Variants in GCN1 observed in about 807,000 individuals in gnomAD.
GCN1 encodes the protein stalled ribosome sensor GCN1.
A neutral mutation model predicts 288.4 loss-of-function variants in GCN1; 90 were observed. The ratio of observed to expected loss-of-function variants is 0.31; its 90% CI spans 0.26 to 0.37. The LOEUF (loss-of-function observed/expected upper bound fraction) is 0.37, where lower values mean the gene tolerates loss of function less well. GCN1 is among the 10% of genes least tolerant of loss of function. The pLI, the probability that GCN1 is intolerant of heterozygous loss-of-function variation, is 1.00. For synonymous variants in GCN1, 1,386 were observed against 1,420.2 expected (o/e 0.98, Z 0.54); for missense variants, 2,586 against 3,419.9 (o/e 0.76, Z 6.08).
chr12:120,136,378 A>G, intron 51 of GCN1, 124 bp downstream of exon 51: 1 of 711,612 alleles, frequency 1.4e-6, no homozygotes, highest in Admixed American at 2.4e-5. Context: ...CCAAGGTCTT[A>G]CCTCCCTCTG....
At chr12:120,183,722 C>T in intron 4 of GCN1, 45 bp from the exon 5 acceptor site, 1 of 1,157,420 alleles carries the variant, frequency 8.6e-7, no homozygotes, top group Admixed American at 1.7e-5. Flanking sequence ...CAGCCTCCAC[C>T]TTGAGGACGA....
At chr12:120,157,016 C>T (rs185697490) in intron 26 of GCN1, 24 bp from the exon 27 acceptor site, 4 of 1,553,258 alleles carry the variant, frequency 2.6e-6, no homozygotes, top group East Asian at 2.2e-5. Context: ...GCAGGTAAGT[C>T]GAGATGAGGC....
rs1238103481 is a variant in GCN1 at position 120,155,101 on chromosome 12, A to G, written c.3631-61T>C. The stretch of plus-strand genomic sequence containing the variant: ...GCAGATCAATGACCTGGGCACCAGG[A>G]TTGTGAGGCAGGAAACTAGCCGCAG... On this transcript the variant is annotated intron_variant, in intron 30 of 57. Transcript: ENST00000300648. The surrounding 1 kb of genome is among the most constrained non-coding windows in gnomAD (Gnocchi z 4.9). The G allele has an allele frequency of 1.3e-6, 2 of 1,540,986 alleles. No individual in the cohort carries two copies. The highest frequency in any genetic ancestry group is 1.8e-6 in the Non-Finnish European group (2 of 1,113,334).
At chr12:120,194,198 C>A (rs1040128247) in intron 1 of GCN1, among the ~76,000 whole-genome samples, 1 of 152,240 alleles carries the variant, frequency 6.6e-6, no homozygotes, top group Non-Finnish European at 1.5e-5. Context: ...GGTTAAGTCA[C>A]TTGTTTGGCA....
At chr12:120,180,286 T>A (rs1878611115) in intron 5 of GCN1, among the ~76,000 whole-genome samples, 1 of 151,702 alleles carries the variant, frequency 6.6e-6, no homozygotes, top group Non-Finnish European at 1.5e-5. Context: ...ATCACGCCTT[T>A]GTACTCCAGC....
At chr12:120,184,955 T>G (rs1440587033) in intron 2 of GCN1, 68 bp from the exon 3 acceptor site, 3 of 1,036,372 alleles carry the variant, frequency 2.9e-6, no homozygotes, top group Non-Finnish European at 4.5e-6. Flanking sequence ...AGTCAGGTAT[T>G]CTGCCCAGAC....
chr12:120,176,742 CT>C (rs1240079037), intron 9 of GCN1, among the ~76,000 whole-genome samples: 1 of 152,110 alleles, frequency 6.6e-6, no homozygotes, highest in African/African-American at 2.4e-5. Context: ...TTTGTGCATT[CT>C]TCTGACAAGA....
chr12:120,171,626 T>C (rs978068415), intron 14 of GCN1, among the ~76,000 whole-genome samples: 2 of 152,236 alleles, frequency 1.3e-5, no homozygotes, highest in African/African-American at 4.8e-5. Flanking sequence ...CCAAGAAATC[T>C]TTATTACAGA....
At chr12:120,169,059 G>C (rs1047657098) in intron 15 of GCN1, among the ~76,000 whole-genome samples, 2 of 152,154 alleles carry the variant, frequency 1.3e-5, no homozygotes, top group Non-Finnish European at 2.9e-5. Flanking sequence ...ACATTGGGAG[G>C]CTGAGGTGGG....
chr12:120,192,725 C>G (rs1879043719), intron 1 of GCN1, among the ~76,000 whole-genome samples: 1 of 133,248 alleles, frequency 7.5e-6, no homozygotes, highest in African/African-American at 2.9e-5. Context: ...GAGCGAGACT[C>G]CGTCTCGAAA....
rs528731065 is a variant in GCN1 at position 120,165,053 on chromosome 12, T to A, written c.1613-332A>T. Among the ~76,000 whole-genome samples the A allele has an allele frequency of 4.0e-3, 540 of 136,162 alleles. 2 individuals carry two copies. Among genetic ancestry groups the A allele is most frequent in the African/African-American group, 5.1e-3 (159 of 31,088 alleles). The allele number at this position is 136,162 out of a possible 152,430, so 89.3% of individuals were successfully genotyped here. A position where few individuals can be genotyped will look rare whatever the true frequency, so the allele number is the denominator to read the frequency against. Reference sequence around the variant, plus strand: ...CACACACACATATATATATATATATTTTTTTTTTTGAGAGACAGTCACGCT... The same window carrying A: ...CACACACACATATATATATATATATATTTTTTTTTGAGAGACAGTCACGCT... On this transcript the variant is annotated intron_variant, in intron 16 of 57. Transcript: ENST00000300648.
intron 38 of GCN1, among the ~76,000 whole-genome samples, chr12:120,145,927 T>A (rs1410607355): frequency 6.6e-6 from 1 of 152,186 alleles, no homozygotes; most frequent in Non-Finnish European, 1.5e-5. Context: ...AACTTGGGAA[T>A]AAGTTTTAAG....
chr12:120,147,153 T>C lies in GCN1; in HGVS notation c.4846A>G (p.Ile1616Val). The part of the protein sequence containing the change: ...HFIDAPSLAL[I>V]MPIVQRAFQD... ...AAGGCTCTCTGGACAATGGGCATGA[T>C]GAGGGCCAGGGATGGGGCATCAATG... The change falls in exon 38 of 58, where the codon ATC becomes GTC. Residue 1616 changes from isoleucine (I) to valine (V), a missense_variant. By Grantham distance (29) the Ile-to-Val change is conservative. This residue lies in a region of GCN1 where 371 missense variants were observed against 572.6 expected (regional missense o/e 0.65). Coordinates refer to ENST00000300648, the MANE Select transcript of GCN1 (RefSeq NM_006836.2). 1.9e-6 allele frequency: 3 copies of C among 1,613,194 alleles called. No homozygotes were observed. The highest frequency in any genetic ancestry group is 1.7e-5 in the Admixed American group (1 of 59,948).
chr12:120,149,878 CAT>C (rs1397424396), intron 35 of GCN1, 42 bp downstream of exon 35: 1 of 1,612,162 alleles, frequency 6.2e-7, no homozygotes, highest in Admixed American at 1.7e-5. Context: ...GAACACATCT[CAT>C]AAAGTTTCCA....
intron 14 of GCN1, among the ~76,000 whole-genome samples, chr12:120,171,633 C>G (rs1269083159): frequency 6.6e-6 from 1 of 152,098 alleles, no homozygotes; most frequent in African/African-American, 2.4e-5. Context: ...ATCTTTATTA[C>G]AGAGGTTTAT....
intron 55 of GCN1, 61 bp from the exon 56 acceptor site, chr12:120,130,814 AC>A: frequency 9.6e-7 from 1 of 1,038,704 alleles, no homozygotes. Flanking sequence ...AGCCAGGAAA[AC>A]CCCAGTTCCT....
chr12:120,182,691 A>G (rs1226335894), intron 5 of GCN1, among the ~76,000 whole-genome samples: 1 of 152,134 alleles, frequency 6.6e-6, no homozygotes, highest in Non-Finnish European at 1.5e-5. Flanking sequence ...TAATCCCAAC[A>G]CTTTGGGAGG....
chr12:120,131,155 T>G (rs748397424), intron 55 of GCN1, 30 bp downstream of exon 55: 4 of 1,607,034 alleles, frequency 2.5e-6, no homozygotes, highest in Non-Finnish European at 2.6e-6. Flanking sequence ...ATGTGGCCTA[T>G]GCCTATGGGA....
chr12:120,177,708 T>C lies in GCN1; in HGVS notation c.705A>G (p.Lys235=). ...CCAACAGGTACTTCGGAGGCTTGAC[T>C]TTGCTCATCAGGATGTTCTTCATGT... The part of the protein sequence containing the change: ...DFYMKNILMS[K]VKPPKYLLDS... The change falls in exon 8 of 58, where the codon AAA becomes AAG. Residue 235 remains lysine, a synonymous_variant. Transcript: ENST00000300648. The C allele has an allele frequency of 6.2e-7, 1 of 1,613,630 alleles. No homozygotes were observed. Among genetic ancestry groups the C allele is most frequent in the African/African-American group, 1.3e-5 (1 of 75,020 alleles).
Sources: gnomAD v4.1 joint callset for allele counts (sites outside exome capture counted in the v4.1 genomes callset) on GRCh38, gnomAD v4.1.1 for gene constraint, gnomAD v4.1.1 regional missense constraint, Gnocchi (gnomAD v3.1) non-coding constraint, MANE v1.5 for transcripts, NCBI Gene and HGNC (gene_info 2026-07-23, HGNC 2026-07-21) for gene names.